C17orf78: variants seen among roughly 807,000 people sequenced by gnomAD.
C17orf78 encodes the protein uncharacterized protein C17orf78.
Under a neutral mutation model 31.8 loss-of-function variants are expected in C17orf78, and 27 were observed. That is an observed-to-expected ratio of 0.85 (90% CI 0.63 to 1.17). C17orf78 has a LOEUF of 1.17. Ranked by LOEUF, C17orf78 falls within the 50% of genes most tolerant of loss-of-function variation. The pLI, the probability that C17orf78 is intolerant of heterozygous loss-of-function variation, is 0.00. For synonymous variants in C17orf78, 106 were observed against 115.1 expected (o/e 0.92, Z 0.51); for missense variants, 258 against 315.2 (o/e 0.82, Z 1.37).
rs1386032855 is a variant in C17orf78 at position 37,390,330 on chromosome 17, A to ATATATATATATCTATATATC, written c.750+972_750+973insTATATATCTATATATCTATA. 8.2e-4 allele frequency among the ~76,000 whole-genome samples: 34 copies of ATATATATATATCTATATATC among 41,576 alleles called. 3 individuals carry two copies. In the East Asian group the frequency reaches 0.013, roughly 16 times the overall value. 27.3% of individuals were successfully genotyped at this position (41,576 alleles called of 152,430 possible). Reference sequence around the variant, plus strand: ...TATATATATATATATATATATATATATATAAAAGGCCAGCTGGGCCGGGCA... The same window carrying ATATATATATATCTATATATC: ...TATATATATATATATATATATATATATATATATATATCTATATATCTATAAAAGGCCAGCTGGGCCGGGCA... On this transcript the variant is annotated intron_variant, in intron 6 of 6. Transcript: ENST00000615133.
At chr17:37,390,159 T>C (rs57866058) in intron 6 of C17orf78, among the ~76,000 whole-genome samples, 2 of 35,854 alleles carry the variant, frequency 5.6e-5, no homozygotes, top group East Asian at 5.5e-3. Flanking sequence ...TATATATATA[T>C]ATATATATAT....
Position 37,391,779 on chromosome 17 carries a change from A to G in C17orf78, c.*55A>G, listed in dbSNP as rs772306089. The G allele has an allele frequency of 2.7e-6, 4 of 1,463,632 alleles. No individual in the cohort carries two copies. In the African/African-American group the frequency reaches 4.2e-5, roughly 15 times the overall value. 90.7% of individuals were successfully genotyped at this position (1,463,632 alleles called of 1,614,324 possible). A position where few individuals can be genotyped will look rare whatever the true frequency, so the allele number is the denominator to read the frequency against. The stretch of plus-strand genomic sequence containing the variant: ...GATACTACACAGTCCTCTCCCTATT[A>G]ATATGGGCACATTCTTGCCAATTTC... On this transcript the variant is annotated 3_prime_UTR_variant, in exon 7 of 7. Coordinates refer to ENST00000615133, the MANE Select transcript of C17orf78 (RefSeq NM_173625.5).
chr17:37,377,051 A>T (rs1279095026), intron 1 of C17orf78, among the ~76,000 whole-genome samples: 1 of 152,242 alleles, frequency 6.6e-6, no homozygotes, highest in Non-Finnish European at 1.5e-5. Flanking sequence ...CAAATTATAA[A>T]AATGTCACAA....
intron 1 of C17orf78, among the ~76,000 whole-genome samples, chr17:37,377,464 A>C (rs969388811): frequency 6.6e-6 from 1 of 152,082 alleles, no homozygotes; most frequent in Non-Finnish European, 1.5e-5. Context: ...GTTTGAGACC[A>C]GCATAGCCAA....
At chr17:37,384,914 C>T (rs1257320390) in intron 3 of C17orf78, among the ~76,000 whole-genome samples, 2 of 152,118 alleles carry the variant, frequency 1.3e-5, no homozygotes, top group Admixed American at 1.3e-4. Context: ...AATTTATAGA[C>T]CTTAATTTAA....
At chr17:37,390,330 A>ATATATC (rs1386032855) in intron 6 of C17orf78, among the ~76,000 whole-genome samples, 1,399 of 41,552 alleles carry the variant, frequency 0.034, 237 homozygotes, top group African/African-American at 0.041. Flanking sequence ...ATATATATAT[A>ATATATC]TATAAAAGGC....
chr17:37,380,355 G>C (rs1414265744), intron 3 of C17orf78, among the ~76,000 whole-genome samples: 2 of 151,590 alleles, frequency 1.3e-5, no homozygotes, highest in Non-Finnish European at 2.9e-5. Flanking sequence ...CAGCGCACCA[G>C]CATGGCACAT....
intron 6 of C17orf78, among the ~76,000 whole-genome samples, chr17:37,390,218 T>TATA: frequency 1.6e-5 from 1 of 62,548 alleles, no homozygotes; most frequent in African/African-American, 9.4e-5. Context: ...TATATATTTA[T>TATA]TATATATAAT....
At chr17:37,386,171 G>A in intron 4 of C17orf78, 46 bp downstream of exon 4, 2 of 1,243,204 alleles carry the variant, frequency 1.6e-6, no homozygotes, top group Middle Eastern at 2.0e-4. Flanking sequence ...ATAAGTAGGA[G>A]TAAAATGGGA....
intron 2 of C17orf78, 79 bp downstream of exon 2, chr17:37,378,044 A>T: frequency 7.7e-7 from 1 of 1,293,048 alleles, no homozygotes; most frequent in Non-Finnish European, 1.1e-6. Context: ...TCATCTTCCC[A>T]CTTCCTAGCC....
At position 37,381,687 on chromosome 17, in the gene C17orf78, G is replaced by T. The variant is rs553887630; in HGVS notation, c.391+2305G>T. Among the ~76,000 whole-genome samples the T allele has an allele frequency of 5.2e-4, 77 of 147,576 alleles. 1 individual carries two copies. Among genetic ancestry groups the T allele is most frequent in the Admixed American group, 2.2e-3 (33 of 14,720 alleles). ...CCGTTGCCCAGGCTGGAGTGCAGTG[G>T]TGCGATCTCAGCTCACTGCAAGCTC... On this transcript the variant is annotated intron_variant, in intron 3 of 6. Coordinates refer to ENST00000615133, the MANE Select transcript of C17orf78 (RefSeq NM_173625.5).
chr17:37,391,214 G>A (rs1169124604), intron 6 of C17orf78, among the ~76,000 whole-genome samples: 2 of 152,062 alleles, frequency 1.3e-5, no homozygotes, highest in East Asian at 1.9e-4. Context: ...CTGCAGCCTC[G>A]GTGACAGAGC....
At chr17:37,381,974 C>T (rs1275836337) in intron 3 of C17orf78, among the ~76,000 whole-genome samples, 1 of 152,082 alleles carries the variant, frequency 6.6e-6, no homozygotes, top group Admixed American at 6.6e-5. Flanking sequence ...ATATTTTGGT[C>T]GTTTCCAATC....
intron 3 of C17orf78, among the ~76,000 whole-genome samples, chr17:37,381,828 C>T (rs191624838): frequency 4.4e-4 from 66 of 151,718 alleles, no homozygotes; most frequent in East Asian, 3.5e-3. Context: ...GGGGTTTCAC[C>T]GTGTTGGCCA....
At chr17:37,380,332 G>T (rs895689221) in intron 3 of C17orf78, among the ~76,000 whole-genome samples, 1 of 150,742 alleles carries the variant, frequency 6.6e-6, no homozygotes, top group African/African-American at 2.4e-5. Flanking sequence ...GCTAGATGAC[G>T]AGTTAGTGGG....
intron 3 of C17orf78, among the ~76,000 whole-genome samples, chr17:37,381,844 G>A (rs1011984349): frequency 3.3e-5 from 5 of 151,662 alleles, no homozygotes; most frequent in African/African-American, 9.7e-5. Flanking sequence ...GGCCAGGATG[G>A]TCTCGATCGC....
chr17:37,379,524 A>G (rs1040958088), intron 3 of C17orf78, 142 bp downstream of exon 3: 1 of 1,237,292 alleles, frequency 8.1e-7, no homozygotes, highest in Non-Finnish European at 1.1e-6. Flanking sequence ...TTTCTTGTAA[A>G]TTTGTTTGAG....
chr17:37,379,500 G>T lies in C17orf78; in HGVS notation c.391+118G>T. 2 of 1,317,964 alleles carry T rather than the reference G, an allele frequency of 1.5e-6. 1 individual carries two copies. The highest frequency in any genetic ancestry group is 4.8e-5 in the East Asian group (2 of 41,958). 81.6% of individuals were successfully genotyped at this position (1,317,964 alleles called of 1,614,324 possible). ...AAATGAATTATCCACTTTTTGATGGGGTTGTTTGTTTTTTTTCTTGTAAAT... is the reference window on the plus strand; with the variant it reads ...AAATGAATTATCCACTTTTTGATGGTGTTGTTTGTTTTTTTTCTTGTAAAT... On this transcript the variant is annotated intron_variant, in intron 3 of 6. Transcript: ENST00000615133.
intron 3 of C17orf78, among the ~76,000 whole-genome samples, chr17:37,381,839 G>A (rs2050293244): frequency 6.6e-6 from 1 of 151,520 alleles, no homozygotes; most frequent in South Asian, 2.1e-4. Flanking sequence ...GTGTTGGCCA[G>A]GATGGTCTCG....
Sources: allele counts gnomAD v4.1 joint callset (sites outside exome capture counted in the v4.1 genomes callset), GRCh38; gene constraint gnomAD v4.1.1; transcripts MANE v1.5; gene names NCBI Gene and HGNC (gene_info 2026-07-23, HGNC 2026-07-21).